Variants in JAK1 observed in about 807,000 individuals in gnomAD.
JAK1 encodes tyrosine-protein kinase JAK1.
In JAK1, 16 loss-of-function variants were observed where a neutral mutation model predicts 136.6. The observed-to-expected ratio is 0.12, with a 90% confidence interval of 0.08 to 0.18. JAK1 has a LOEUF of 0.18. Ranked by LOEUF, JAK1 falls within the 10% of genes least tolerant of loss-of-function variation. The pLI is 1.00. For missense variants in JAK1, 859 were observed against 1,450.1 expected (o/e 0.59, Z 6.62); for synonymous variants, 492 against 519.5 (o/e 0.95, Z 0.72).
chr1:64,888,265 T>C (rs1046839180), intron 1 of JAK1, among the ~76,000 whole-genome samples: 1 of 152,236 alleles, frequency 6.6e-6, no homozygotes, highest in Non-Finnish European at 1.5e-5. Context: ...CACTGCAACC[T>C]CTGCCTCCCA....
chr1:64,942,726 C>A (rs544374029), intron 1 of JAK1, among the ~76,000 whole-genome samples: 3 of 152,096 alleles, frequency 2.0e-5, no homozygotes, highest in Non-Finnish European at 4.4e-5. Flanking sequence ...AAGGTGTAAT[C>A]GTAGATAACA....
intron 1 of JAK1, among the ~76,000 whole-genome samples, chr1:64,963,508 T>C (rs760846501): frequency 6.6e-6 from 1 of 152,140 alleles, no homozygotes; most frequent in African/African-American, 2.4e-5. Context: ...AATTCGATAA[T>C]ATCAAACCAT....
At chr1:64,985,374 T>C (rs1646588701) in intron 2 of JAK1, 1 of 1,611,272 alleles carries the variant, frequency 6.2e-7, no homozygotes. Context: ...ATCTTTCATC[T>C]CCTGGATGTC....
intron 2 of JAK1, among the ~76,000 whole-genome samples, chr1:64,974,883 TTTTG>T (rs752493060): frequency 8.1e-4 from 123 of 152,032 alleles, no homozygotes; most frequent in African/African-American, 2.6e-3. Flanking sequence ...TTTGTTTTGT[TTTTG>T]TTTGTTTGTT....
intron 4 of JAK1, 96 bp downstream of exon 4, chr1:64,878,929 A>T: frequency 8.2e-7 from 1 of 1,213,726 alleles, no homozygotes; most frequent in Non-Finnish European, 1.1e-6. Context: ...AAAAATGACT[A>T]CAATACTTCT....
chr1:64,903,453 A>G (rs1645142605), intron 1 of JAK1, among the ~76,000 whole-genome samples: 1 of 152,224 alleles, frequency 6.6e-6, no homozygotes, highest in Admixed American at 6.5e-5. Flanking sequence ...AAGACTGGAA[A>G]TGTGTAATTC....
In JAK1 at chr1:65,010,889, A is replaced by G. The variant is rs373328219; in HGVS notation, c.-78+33591T>C. Reference sequence around the variant, plus strand: ...TGGGAGGCTGAGGTGGGAAGAAGCTATTCTCCCACTTCAAGGCCATCCAGC... The same window carrying G: ...TGGGAGGCTGAGGTGGGAAGAAGCTGTTCTCCCACTTCAAGGCCATCCAGC... On this transcript the variant is annotated intron_variant, in intron 2 of 25. Coordinates refer to the JAK1 transcript ENST00000671954. Among the ~76,000 whole-genome samples the G allele has an allele frequency of 1.2e-4, 18 of 151,772 alleles. 1 individual carries two copies. The highest frequency in any genetic ancestry group is 3.3e-4 in the Admixed American group (5 of 15,252).
intron 13 of JAK1, 55 bp from the exon 14 acceptor site, chr1:64,846,791 C>T: frequency 2.1e-6 from 3 of 1,395,792 alleles, no homozygotes; most frequent in Non-Finnish European, 3.0e-6. Flanking sequence ...GGGGCTGCTC[C>T]CCAGGGGCTC....
chr1:64,974,043 T>A (rs1569794915), intron 2 of JAK1: 2 of 152,350 alleles, frequency 1.3e-5, no homozygotes, highest in Admixed American at 1.3e-4. Flanking sequence ...AATGTCCACA[T>A]TATGTTTTTA....
chr1:65,031,233 T>C (rs1569911521), intron 2 of JAK1, among the ~76,000 whole-genome samples: 1 of 150,396 alleles, frequency 6.6e-6, no homozygotes, highest in African/African-American at 2.4e-5. Context: ...TAACCAGAGA[T>C]CAAAGTACGT....
chr1:64,944,116 G>C (rs1645938669), intron 1 of JAK1, among the ~76,000 whole-genome samples: 1 of 151,396 alleles, frequency 6.6e-6, no homozygotes, highest in African/African-American at 2.4e-5. Context: ...CAGCTACTTG[G>C]GAGGCTGAGG....
chr1:65,057,659 C>T (rs1379706367), intron 1 of JAK1: 3 of 154,602 alleles, frequency 1.9e-5, no homozygotes, highest in South Asian at 2.0e-4. Context: ...ACTGCACTCC[C>T]GTGTGGGCAA....
intron 2 of JAK1, among the ~76,000 whole-genome samples, chr1:65,036,667 A>C (rs1337787145): frequency 6.8e-6 from 1 of 147,792 alleles, no homozygotes; most frequent in African/African-American, 2.5e-5. Context: ...TATTCTACAA[A>C]GTATTTCAAG....
At chr1:65,067,106 A>G (rs1648086329) in intron 1 of JAK1, among the ~76,000 whole-genome samples, 1 of 151,498 alleles carries the variant, frequency 6.6e-6, no homozygotes. Context: ...CAGTCCGGCA[A>G]CACCCTCGCA....
chr1:64,979,020 A>C (rs1437769129), intron 2 of JAK1, among the ~76,000 whole-genome samples: 1 of 152,206 alleles, frequency 6.6e-6, no homozygotes, highest in Non-Finnish European at 1.5e-5. Context: ...CCACGAAATC[A>C]TGTATGCATT....
intron 2 of JAK1, among the ~76,000 whole-genome samples, chr1:65,024,661 A>G (rs12744075): frequency 2.6e-5 from 2 of 76,442 alleles, no homozygotes; most frequent in African/African-American, 1.8e-4. Flanking sequence ...GGTCCAAAGC[A>G]AAAAAAAAAA....
Position 65,000,936 on chromosome 1 carries a change from C to T in JAK1, c.-78+43544G>A, listed in dbSNP as rs368215217. ...TCACTCTGTGGCCCAGGCTGGAGTG[C>T]GGTGGCGCCATGGAAGTTTTTGTTT... On this transcript the variant is annotated intron_variant, in intron 2 of 25. Coordinates refer to the JAK1 transcript ENST00000671954. Among the ~76,000 whole-genome samples, 42 of 151,304 alleles carry T rather than the reference C, an allele frequency of 2.8e-4. 5 individuals are homozygous for T. The highest frequency in any genetic ancestry group is 6.3e-4 in the South Asian group (3 of 4,772).
chr1:64,961,942 A>C (rs1455977408), intron 1 of JAK1, among the ~76,000 whole-genome samples: 1 of 152,204 alleles, frequency 6.6e-6, no homozygotes, highest in Non-Finnish European at 1.5e-5. Context: ...TACCAAAGAG[A>C]TGTCTGTGCA....
intron 2 of JAK1, among the ~76,000 whole-genome samples, chr1:64,989,116 G>C (rs1242338666): frequency 2.0e-5 from 3 of 148,326 alleles, no homozygotes; most frequent in Non-Finnish European, 4.5e-5. Flanking sequence ...CATGAGGTCA[G>C]GAGTTCAAGA....
Sources: gnomAD v4.1 joint callset for allele counts (sites outside exome capture counted in the v4.1 genomes callset) on GRCh38, gnomAD v4.1.1 for gene constraint, MANE v1.5 for transcripts, NCBI Gene and HGNC (gene_info 2026-07-23, HGNC 2026-07-21) for gene names.